The following KCNAB2 variants were observed in gnomAD, a reference collection of about 807,000 sequenced individuals.
KCNAB2 encodes potassium voltage-gated channel subfamily A regulatory beta subunit 2, also known as voltage-gated potassium channel subunit beta-2.
A neutral mutation model predicts 63.6 loss-of-function variants in KCNAB2; 29 were observed. The ratio of observed to expected loss-of-function variants is 0.46; its 90% CI spans 0.34 to 0.62. The LOEUF is 0.62. Among genes scored for constraint, KCNAB2 ranks in the 20% least tolerant of loss-of-function variants. The pLI is 0.01. For synonymous variants in KCNAB2, 222 were observed against 224.2 expected (o/e 0.99, Z 0.09); for missense variants, 359 against 563.9 (o/e 0.64, Z 3.68).
upstream of KCNAB2, chr1:6,041,989 G>A (rs530407634): frequency 2.4e-5 from 21 of 871,710 alleles, no homozygotes; most frequent in African/African-American, 1.2e-4. Flanking sequence ...CAAAGCCCCC[G>A]AGACCCCCAG....
In KCNAB2 at chr1:6,035,868, G is replaced by C. The variant is rs184819621; in HGVS notation, c.-53+1074G>C. The C allele has an allele frequency of 7.2e-5, 11 of 152,870 alleles. No homozygotes were observed. The highest frequency in any genetic ancestry group is 2.4e-4 in the African/African-American group (10 of 41,552). The allele number at this position is 152,870 out of a possible 1,614,324, so 9.5% of individuals were successfully genotyped here. On this transcript the variant is annotated intron_variant, in intron 1 of 15. Coordinates refer to the KCNAB2 transcript ENST00000164247. The surrounding 1 kb of genome is among the most constrained non-coding windows in gnomAD (Gnocchi z 5.0). ...AAGAATATATTCAAGAGCTGAGCAA[G>C]GGCAGCCACTGGAGGACAGCGATGA...
At chr1:6,041,047 G>A (rs4908495), upstream of KCNAB2, 6,237 of 172,610 alleles carry the variant, frequency 0.036, 148 homozygotes, top group South Asian at 0.098. Flanking sequence ...CGAGGATGAC[G>A]ACCTTGCAGG....
At chr1:6,039,301 G>T (rs1660307479) in intron 1 of KCNAB2, among the ~76,000 whole-genome samples, 1 of 152,208 alleles carries the variant, frequency 6.6e-6, no homozygotes, top group Non-Finnish European at 1.5e-5. Context: ...CTAGGAGTGG[G>T]AGGAAAGAGC....
intron 1 of KCNAB2, among the ~76,000 whole-genome samples, chr1:6,008,993 G>A (rs1657989738): frequency 6.6e-6 from 1 of 152,220 alleles, no homozygotes; most frequent in Non-Finnish European, 1.5e-5. Context: ...GACACGTCCA[G>A]GCCAGAAAGA....
chr1:6,092,638 TGTA>T (rs989460000), intron 10 of KCNAB2, among the ~76,000 whole-genome samples: 1 of 152,168 alleles, frequency 6.6e-6, no homozygotes, highest in Admixed American at 6.5e-5. Context: ...CTGGGCAGGA[TGTA>T]GTCAGAGATT....
rs543218793 is a variant in KCNAB2 at position 5,994,890 on chromosome 1, G to A, written c.-53+2102G>A. On this transcript the variant is annotated intron_variant, in intron 1 of 16. Coordinates refer to the KCNAB2 transcript ENST00000341524. The surrounding 1 kb of genome is among the most constrained non-coding windows in gnomAD (Gnocchi z 5.4). ...ACACAGTTTTGATTTGGCAGTTTCC[G>A]GCCTGGGCTTGGAGGGAGGGGCCTC... Among the ~76,000 whole-genome samples the A allele has an allele frequency of 5.3e-5, 8 of 152,288 alleles. No individual in the cohort carries two copies. The highest frequency in any genetic ancestry group is 4.1e-4 in the South Asian group (2 of 4,830).
chr1:6,016,527 C>T (rs186709106), intron 1 of KCNAB2, among the ~76,000 whole-genome samples: 53 of 152,308 alleles, frequency 3.5e-4, no homozygotes, highest in Admixed American at 1.4e-3. Context: ...GGCGTTTTCA[C>T]GAGGCCTGTG....
At chr1:6,066,505 A>G (rs186380797) in intron 2 of KCNAB2, among the ~76,000 whole-genome samples, 222 of 152,140 alleles carry the variant, frequency 1.5e-3, no homozygotes, top group Non-Finnish European at 2.2e-3. Context: ...TCAGGGGGAG[A>G]TGGTGAGGGC....
At chr1:6,092,191 G>A (rs1665244459) in intron 10 of KCNAB2, among the ~76,000 whole-genome samples, 1 of 152,234 alleles carries the variant, frequency 6.6e-6, no homozygotes, top group Admixed American at 6.5e-5. Context: ...AAGGACAGTT[G>A]TCCCTAATTG....
At chr1:6,095,489 C>T in intron 12 of KCNAB2, 41 bp from the exon 13 acceptor site, 1 of 1,602,286 alleles carries the variant, frequency 6.2e-7, no homozygotes, top group Non-Finnish European at 8.5e-7. Context: ...CACCCCTGCT[C>T]TCGGGCCCAG....
Position 6,020,384 on chromosome 1 carries a change from A to G in KCNAB2, c.-52-20133A>G, listed in dbSNP as rs1239581477. On this transcript the variant is annotated intron_variant, in intron 1 of 16. Transcript: ENST00000341524. ...GTACAGCCTCCCACCTCAGCCTCTC[A>G]GACTGCCACCTTCTGCCCCCAATCC... 3.3e-5 allele frequency among the ~76,000 whole-genome samples: 5 copies of G among 152,128 alleles called. No individual in the cohort carries two copies. The East Asian group carries it at 9.7e-4, about 29-fold the overall frequency.
At chr1:5,997,127 T>C (rs1425742302) in intron 1 of KCNAB2, among the ~76,000 whole-genome samples, 2 of 152,130 alleles carry the variant, frequency 1.3e-5, no homozygotes, top group Non-Finnish European at 2.9e-5. Context: ...TAACTGTCAG[T>C]TCCCCCTCTT....
upstream of KCNAB2, among the ~76,000 whole-genome samples, chr1:6,032,878 A>G (rs1433209817): frequency 3.3e-5 from 5 of 152,258 alleles, no homozygotes; most frequent in Non-Finnish European, 5.9e-5. Flanking sequence ...AACGTTTCAA[A>G]AAAGGTCAAT....
intron 1 of KCNAB2, among the ~76,000 whole-genome samples, chr1:6,040,249 T>C (rs1660385620): frequency 1.3e-5 from 2 of 152,124 alleles, no homozygotes; most frequent in African/African-American, 2.4e-5. Flanking sequence ...CTCCACGACA[T>C]ATAAGGTGGG....
chr1:6,004,716 T>C (rs899341760), intron 1 of KCNAB2, among the ~76,000 whole-genome samples: 3 of 152,118 alleles, frequency 2.0e-5, no homozygotes, highest in African/African-American at 7.2e-5. Context: ...CTTAATTACA[T>C]CTGCAAAAAC....
upstream of KCNAB2, among the ~76,000 whole-genome samples, chr1:6,044,920 C>T (rs1660792357): frequency 6.6e-6 from 1 of 152,130 alleles, no homozygotes; most frequent in African/African-American, 2.4e-5. Context: ...AGCAGTGGAC[C>T]CAGGGAAGGA....
Position 6,089,901 on chromosome 1 carries a change from A to C in KCNAB2, c.515-488A>C, listed in dbSNP as rs145686260. Among the ~76,000 whole-genome samples the C allele has an allele frequency of 7.6e-3, 1,158 of 152,276 alleles. 10 individuals are homozygous for C. Among genetic ancestry groups the C allele is most frequent in the South Asian group, 0.035 (171 of 4,824 alleles). On this transcript the variant is annotated intron_variant, in intron 8 of 15. Transcript: ENST00000378083. ...TTTTTAGTAGACACAGGGTTTCACT[A>C]TGTTGGCCAGGCTGGTCTCAAACTC...
rs114660937 is a variant in KCNAB2, at chr1:6,095,306, C to T, written c.733-17C>T. 7.6e-4 allele frequency: 1,217 copies of T among 1,608,544 alleles called. 10 individuals carry two copies. The African/African-American group carries it at 0.015, about 19-fold the overall frequency. ...CTCACAGGCAAGGGCCCTCGGGGTC[C>T]CTTTCTGCCTTCACAGGAGGCCTAC... is the stretch of plus-strand genomic sequence containing the variant. On this transcript the variant is annotated splice_polypyrimidine_tract_variant and intron_variant, in intron 11 of 15. Coordinates refer to ENST00000378083, the MANE Select transcript of KCNAB2 (RefSeq NM_001199862.2).
exon 2 of KCNAB2, chr1:6,040,555 G>C (rs1188328817): frequency 6.2e-7 from 1 of 1,613,342 alleles, no homozygotes; most frequent in Non-Finnish European, 8.5e-7. Context: ...GTCTGGATAA[G>C]TGAGGCTGGC....
Sources: allele counts gnomAD v4.1 joint callset (sites outside exome capture counted in the v4.1 genomes callset), GRCh38; gene constraint gnomAD v4.1.1; non-coding constraint Gnocchi (gnomAD v3.1); transcripts MANE v1.5; gene names NCBI Gene and HGNC (gene_info 2026-07-23, HGNC 2026-07-21).